BTBD9: variants seen among roughly 807,000 people sequenced by gnomAD.
BTBD9 encodes BTB domain containing 9.
BTBD9 carries 49 observed loss-of-function variants against 64.3 expected under a neutral mutation model. The observed-to-expected ratio is 0.76, with a 90% CI of 0.61 to 0.97. The LOEUF is 0.97. Among genes scored for constraint, BTBD9 ranks in the 50% least tolerant of loss-of-function variants. BTBD9 has a pLI of 0.00. For synonymous variants in BTBD9, 260 were observed against 274.7 expected (o/e 0.95, Z 0.53); for missense variants, 598 against 762.1 (o/e 0.78, Z 2.53).
rs1476132351 is a variant in BTBD9, at chr6:38,602,644, A to G, written c.-27-4523T>C. Among the ~76,000 whole-genome samples, 4 of 152,072 alleles carry G rather than the reference A, an allele frequency of 2.6e-5. No homozygotes were observed. The South Asian group carries it at 6.2e-4, about 24-fold the overall frequency. On this transcript the variant is annotated intron_variant, in intron 1 of 10. Coordinates refer to ENST00000481247, the MANE Select transcript of BTBD9 (RefSeq NM_001099272.2). ...TAATGTTTATTTGTAGTAAAACTATAAACAAATATGTCAGTAAGTTTGGCC... is the reference window on the plus strand; with the variant it reads ...TAATGTTTATTTGTAGTAAAACTATGAACAAATATGTCAGTAAGTTTGGCC...
chr6:38,415,608 C>A (rs1437445714), intron 6 of BTBD9, among the ~76,000 whole-genome samples: 1 of 152,108 alleles, frequency 6.6e-6, no homozygotes, highest in Non-Finnish European at 1.5e-5. Flanking sequence ...ATACAGCACC[C>A]AAGGTAGAAG....
At chr6:38,628,361 G>T (rs1390249251) in intron 1 of BTBD9, among the ~76,000 whole-genome samples, 1 of 152,166 alleles carries the variant, frequency 6.6e-6, no homozygotes, top group Non-Finnish European at 1.5e-5. Flanking sequence ...TGGACTACAG[G>T]TCCCCACGCT....
chr6:38,477,556 TC>T (rs1452110947), intron 6 of BTBD9, among the ~76,000 whole-genome samples: 1 of 152,206 alleles, frequency 6.6e-6, no homozygotes, highest in African/African-American at 2.4e-5. Flanking sequence ...TGTATTTATA[TC>T]CATACCTTTT....
intron 9 of BTBD9, among the ~76,000 whole-genome samples, chr6:38,242,463 T>G (rs1017218555): frequency 1.3e-5 from 2 of 152,242 alleles, no homozygotes; most frequent in African/African-American, 4.8e-5. Flanking sequence ...GAAAGGCACC[T>G]GTGACTGCTG....
chr6:38,446,494 C>T (rs1002440756), intron 6 of BTBD9, among the ~76,000 whole-genome samples: 14 of 152,068 alleles, frequency 9.2e-5, no homozygotes. Flanking sequence ...GTTTCTGTCA[C>T]GTGTTTTCAC....
intron 1 of BTBD9, among the ~76,000 whole-genome samples, chr6:38,607,439 T>C (rs992064188): frequency 6.6e-6 from 1 of 152,210 alleles, no homozygotes; most frequent in Non-Finnish European, 1.5e-5. Flanking sequence ...CCAAACTTCT[T>C]AGTAGAAAAC....
At chr6:38,488,261 AT>A (rs201148601) in intron 6 of BTBD9, among the ~76,000 whole-genome samples, 21 of 149,944 alleles carry the variant, frequency 1.4e-4, no homozygotes, top group Non-Finnish European at 2.1e-4. Flanking sequence ...TGTCCAAGGG[AT>A]TTTTTTTTTA....
At chr6:38,313,687 G>C (rs913399256) in intron 7 of BTBD9, among the ~76,000 whole-genome samples, 13 of 150,874 alleles carry the variant, frequency 8.6e-5, no homozygotes, top group African/African-American at 3.2e-4. Flanking sequence ...TGATTGATTT[G>C]CATATGTTGA....
In BTBD9 at chr6:38,263,861, G is replaced by C. The variant is rs148585114; in HGVS notation, c.1455-7345C>G. Among the ~76,000 whole-genome samples, 1,437 of 152,222 alleles carry C rather than the reference G, an allele frequency of 9.4e-3. 10 individuals carry two copies. The highest frequency in any genetic ancestry group is 0.015 in the Non-Finnish European group (1,019 of 68,006). ...ATCTTTACTTGGTTTCTGTTACTTG[G>C]AACTAAAAGGGCCAAAGATAAGCTC... is the stretch of plus-strand genomic sequence containing the variant. On this transcript the variant is annotated intron_variant, in intron 8 of 10. Transcript: ENST00000481247.
At chr6:38,332,920 A>G (rs1763736213) in intron 7 of BTBD9, among the ~76,000 whole-genome samples, 1 of 152,222 alleles carries the variant, frequency 6.6e-6, no homozygotes, top group Admixed American at 6.5e-5. Flanking sequence ...GGGAGAAACA[A>G]TTTAAAAACT....
At chr6:38,445,566 A>G (rs1421463731) in intron 6 of BTBD9, among the ~76,000 whole-genome samples, 1 of 152,236 alleles carries the variant, frequency 6.6e-6, no homozygotes, top group Non-Finnish European at 1.5e-5. Context: ...AGTATTACAC[A>G]TTCAAAGAAT....
intron 6 of BTBD9, among the ~76,000 whole-genome samples, chr6:38,431,540 C>T (rs1412476926): frequency 6.6e-6 from 1 of 152,166 alleles, no homozygotes; most frequent in Non-Finnish European, 1.5e-5. Flanking sequence ...ATTCCCATCC[C>T]TCAAACCTGC....
intron 6 of BTBD9, among the ~76,000 whole-genome samples, chr6:38,463,641 TATAAG>T (rs1283766078): frequency 2.6e-5 from 4 of 152,228 alleles, no homozygotes; most frequent in Non-Finnish European, 4.4e-5. Context: ...TAGTTTGTGT[TATAAG>T]CTCAACTGTG....
At chr6:38,390,206 C>T (rs138597514) in intron 6 of BTBD9, among the ~76,000 whole-genome samples, 21 of 152,156 alleles carry the variant, frequency 1.4e-4, no homozygotes, top group African/African-American at 5.1e-4. Context: ...TTCCTCAGCC[C>T]CCTGAGTAGC....
intron 6 of BTBD9, among the ~76,000 whole-genome samples, chr6:38,430,514 A>G (rs921682394): frequency 1.4e-5 from 2 of 141,172 alleles, no homozygotes; most frequent in Admixed American, 7.1e-5. Flanking sequence ...ACCGCAGCTG[A>G]AAAAAAAAAA....
chr6:38,183,190 C>T (rs566192336), intron 10 of BTBD9, among the ~76,000 whole-genome samples: 141 of 152,292 alleles, frequency 9.3e-4, no homozygotes, highest in African/African-American at 2.7e-3. Context: ...CCGTGTTAGC[C>T]AGGATGGTCT....
At chr6:38,278,935 C>A (rs990967151) in intron 8 of BTBD9, among the ~76,000 whole-genome samples, 7 of 152,194 alleles carry the variant, frequency 4.6e-5, no homozygotes, top group Non-Finnish European at 1.0e-4. Flanking sequence ...AAAGCATACT[C>A]TGCATTTATC....
Position 38,256,503 on chromosome 6 carries a change from C to T in BTBD9, c.1468G>A (p.Asp490Asn). 6.2e-7 allele frequency: 1 copy of T among 1,611,970 alleles called. No individual in the cohort carries two copies. Among genetic ancestry groups the T allele is most frequent in the Admixed American group, 1.7e-5 (1 of 60,016 alleles). ...MIGSIRLLLW[D>N]CDDRSYSYYV... Reference sequence around the variant, plus strand: ...TAGCTATAGCTTCGATCATCACAATCCCAAAGTAGTAACCTGAACAAAGGG... The same window carrying T: ...TAGCTATAGCTTCGATCATCACAATTCCAAAGTAGTAACCTGAACAAAGGG... The change falls in exon 9 of 11, where the codon GAT (aspartate) becomes AAT (asparagine). Residue 490 changes from aspartate to asparagine, a missense_variant. Asp to Asn is a conservative substitution (Grantham distance 23). Coordinates refer to ENST00000481247, the MANE Select transcript of BTBD9 (RefSeq NM_001099272.2).
At chr6:38,254,472 AAAC>A (rs1358273033) in intron 9 of BTBD9, among the ~76,000 whole-genome samples, 5 of 151,728 alleles carry the variant, frequency 3.3e-5, no homozygotes, top group African/African-American at 1.2e-4. Context: ...ACAAACAAAC[AAAC>A]AAAAAAAAAC....
Sources: gnomAD v4.1 joint callset for allele counts (sites outside exome capture counted in the v4.1 genomes callset) on GRCh38, gnomAD v4.1.1 for gene constraint, MANE v1.5 for transcripts, NCBI Gene and HGNC (gene_info 2026-07-23, HGNC 2026-07-21) for gene names.